The following TRPC1 variants were observed in gnomAD, a reference collection of about 807,000 sequenced individuals.
TRPC1 encodes the protein short transient receptor potential channel 1.
Under a neutral mutation model 88.2 loss-of-function variants are expected in TRPC1, and 42 were observed. The ratio of observed to expected loss-of-function variants is 0.48; its 90% CI spans 0.37 to 0.62. TRPC1 has a LOEUF of 0.62. Ranked by LOEUF, TRPC1 falls within the 20% of genes least tolerant of loss-of-function variation. The probability of loss-of-function intolerance (pLI) is 0.00; values close to 1 mark genes in which losing one functional copy is unlikely to be tolerated. For synonymous variants in TRPC1, 288 were observed against 331.8 expected (o/e 0.87, Z 1.43); for missense variants, 699 against 957.3 (o/e 0.73, Z 3.56).
At chr3:142,736,844 C>T (rs1180271488) in intron 2 of TRPC1, among the ~76,000 whole-genome samples, 1 of 152,070 alleles carries the variant, frequency 6.6e-6, no homozygotes, top group Admixed American at 6.6e-5. Context: ...TATGTTAACA[C>T]TATTTATATT....
intron 7 of TRPC1, among the ~76,000 whole-genome samples, chr3:142,790,004 T>C (rs1472817623): frequency 6.6e-6 from 1 of 152,026 alleles, no homozygotes. Flanking sequence ...AGATAAGTAA[T>C]ACAAAAGAAA....
intron 1 of TRPC1, among the ~76,000 whole-genome samples, chr3:142,735,609 T>C (rs1194836331): frequency 6.6e-6 from 1 of 152,204 alleles, no homozygotes; most frequent in Non-Finnish European, 1.5e-5. Context: ...GCTGTAATTG[T>C]TGTCATTTCC....
At chr3:142,758,726 G>A (rs775626321) in intron 4 of TRPC1, among the ~76,000 whole-genome samples, 1 of 150,656 alleles carries the variant, frequency 6.6e-6, no homozygotes, top group Non-Finnish European at 1.5e-5. Context: ...TGTGCATGTC[G>A]TGCAGGTTTG....
At position 142,736,408 on chromosome 3, in the gene TRPC1, G is replaced by A; in HGVS notation, c.202G>A (p.Glu68Lys). ...GDYYMVKKIL[E>K]ENSSGDLNIN... Reference sequence around the variant, plus strand: ...CTATTATATGGTTAAAAAGATTTTGGAGGAAAACAGTTCAGGTGACTTGAA... The same window carrying A: ...CTATTATATGGTTAAAAAGATTTTGAAGGAAAACAGTTCAGGTGACTTGAA... The change falls in exon 2 of 13, where the codon GAG (glutamate) becomes AAG (lysine). Residue 68 changes from glutamate (E) to lysine (K), a missense_variant. Glu to Lys is a moderately conservative substitution (Grantham distance 56, BLOSUM62 1). Around this residue, in one of 4 missense-constraint regions of TRPC1, gnomAD observed 157 missense variants for 127.0 expected, o/e 1.24. Transcript: ENST00000476941. 1 of 1,609,298 alleles carries A rather than the reference G, an allele frequency of 6.2e-7. No individual in the cohort carries two copies. Among genetic ancestry groups the A allele is most frequent in the Non-Finnish European group, 8.5e-7 (1 of 1,178,356 alleles).
At position 142,806,746 on chromosome 3, in the gene TRPC1, TG is replaced by T. The variant is rs1286156073; in HGVS notation, c.*512del. 1.3e-5 allele frequency: 2 copies of T among 152,114 alleles called. No individual in the cohort carries two copies. The highest frequency in any genetic ancestry group is 1.3e-4 in the Admixed American group (2 of 15,270). 9.4% of individuals were successfully genotyped at this position (152,114 alleles called of 1,614,324 possible). A position where few individuals can be genotyped will look rare whatever the true frequency, so the allele number is the denominator to read the frequency against. On this transcript the variant is annotated 3_prime_UTR_variant, in exon 13 of 13. Transcript: ENST00000476941. ...ATAGTCTATTTTTTCTTTTGTATTT[TG>T]TTATAATCTTAAGCAACAAAGAAAA... is the stretch of plus-strand genomic sequence containing the variant.
chr3:142,785,262 C>G (rs1450758125), intron 7 of TRPC1: 2 of 376,554 alleles, frequency 5.3e-6, no homozygotes, highest in African/African-American at 4.2e-5. Context: ...TTTAATATTT[C>G]TTAAATACAT....
At chr3:142,774,715 A>ATT (rs150744089) in intron 4 of TRPC1, among the ~76,000 whole-genome samples, 1 of 148,404 alleles carries the variant, frequency 6.7e-6, no homozygotes, top group African/African-American at 2.5e-5. Flanking sequence ...AGTTTTATGT[A>ATT]TTTTTTTTTT....
intron 9 of TRPC1, among the ~76,000 whole-genome samples, chr3:142,797,860 AGTGT>A (rs1287695361): frequency 6.6e-6 from 1 of 152,126 alleles, no homozygotes. Context: ...TTGAAACATG[AGTGT>A]GTATTTTATT....
chr3:142,781,134 G>C, intron 6 of TRPC1, 105 bp downstream of exon 6: 1 of 897,902 alleles, frequency 1.1e-6, no homozygotes, highest in South Asian at 2.9e-5. Flanking sequence ...TCCTAGTTCT[G>C]CTTCCTAAAA....
chr3:142,746,606 G>T (rs1934564578), intron 3 of TRPC1, among the ~76,000 whole-genome samples: 1 of 152,088 alleles, frequency 6.6e-6, no homozygotes, highest in Non-Finnish European at 1.5e-5. Flanking sequence ...AGTGATCAAA[G>T]GAAATTAAAT....
Position 142,748,399 on chromosome 3 carries a change from G to C in TRPC1, c.571G>C (p.Val191Leu). 2 of 1,614,128 alleles carry C rather than the reference G, an allele frequency of 1.2e-6. No individual in the cohort carries two copies. The highest frequency in any genetic ancestry group is 1.7e-6 in the Non-Finnish European group (2 of 1,179,990). The part of the protein sequence containing the change: ...QDVSLPKPHA[V>L]GCECTLCSAK... ...TGTATCTCTACCCAAGCCCCATGCA[G>C]TTGGCTGTGAATGCACATTGTGTTC... Residue 191 changes from valine (V) to leucine (L), a missense_variant, in exon 4 of 13, where the codon GTT (valine) becomes CTT (leucine). By Grantham distance (32) the Val-to-Leu change is conservative. This residue lies in a region of TRPC1 where 426 missense variants were observed against 641.3 expected (regional missense o/e 0.66). Transcript: ENST00000476941.
intron 4 of TRPC1, among the ~76,000 whole-genome samples, chr3:142,769,593 T>C (rs1935506914): frequency 1.3e-5 from 2 of 152,204 alleles, no homozygotes; most frequent in South Asian, 4.1e-4. Context: ...TCATTTTCTT[T>C]CATCTCAGTT....
At chr3:142,790,812 A>C (rs936698644) in intron 7 of TRPC1, among the ~76,000 whole-genome samples, 2 of 152,024 alleles carry the variant, frequency 1.3e-5, no homozygotes, top group Non-Finnish European at 2.9e-5. Flanking sequence ...ATGAAACTTA[A>C]GGTTATTTTC....
intron 4 of TRPC1, among the ~76,000 whole-genome samples, chr3:142,762,372 T>C (rs910449991): frequency 6.6e-6 from 1 of 151,154 alleles, no homozygotes; most frequent in Non-Finnish European, 1.5e-5. Flanking sequence ...TTCATTTATT[T>C]CTGCTTCGAT....
chr3:142,805,427 A>G (rs1936765851), intron 12 of TRPC1, among the ~76,000 whole-genome samples: 1 of 152,202 alleles, frequency 6.6e-6, no homozygotes, highest in Non-Finnish European at 1.5e-5. Flanking sequence ...GTAAAGGTCC[A>G]GATAGTAAAT....
intron 1 of TRPC1, among the ~76,000 whole-genome samples, chr3:142,726,264 C>T (rs1429892816): frequency 2.0e-5 from 3 of 152,100 alleles, no homozygotes; most frequent in African/African-American, 7.2e-5. Flanking sequence ...ATTTGATATT[C>T]CTGTCAAACT....
In TRPC1 at chr3:142,804,076, C is replaced by T. The variant is rs777362818; in HGVS notation, c.1857C>T (p.Ser619=). 1.1e-5 allele frequency: 18 copies of T among 1,613,802 alleles called. No homozygotes were observed. In the South Asian group the frequency reaches 2.0e-4, roughly 18 times the overall value. The change falls in exon 11 of 13, where the codon TCC becomes TCT. Residue 619 remains serine, a synonymous_variant. Coordinates refer to ENST00000476941, the MANE Select transcript of TRPC1 (RefSeq NM_001251845.2). ...TTAGCTATGGAGAAGAACTGCAGTC[C>T]TTTGTGGGAGCTGTCATTGTTGGTA... is the stretch of plus-strand genomic sequence containing the variant. ...TRFSYGEELQ[S]FVGAVIVGTY...
chr3:142,802,487 T>C, intron 10 of TRPC1, 143 bp downstream of exon 10: 2 of 566,948 alleles, frequency 3.5e-6, no homozygotes, highest in Non-Finnish European at 2.7e-6. Flanking sequence ...TAAATACTTA[T>C]TTTTCATGAA....
chr3:142,786,550 AGTT>A (rs1936138580), intron 7 of TRPC1, among the ~76,000 whole-genome samples: 1 of 152,120 alleles, frequency 6.6e-6, no homozygotes, highest in Admixed American at 6.6e-5. Flanking sequence ...TATTTCCTGT[AGTT>A]TTGCTCTTAT....
Sources: gnomAD v4.1 joint callset for allele counts (sites outside exome capture counted in the v4.1 genomes callset) on GRCh38, gnomAD v4.1.1 for gene constraint, gnomAD v4.1.1 regional missense constraint, MANE v1.5 for transcripts, NCBI Gene and HGNC (gene_info 2026-07-23, HGNC 2026-07-21) for gene names.